FEZ1: variants seen among roughly 807,000 people sequenced by gnomAD.
The protein encoded by FEZ1 is fasciculation and elongation protein zeta-1.
Under a neutral mutation model 49.3 loss-of-function variants are expected in FEZ1, and 20 were observed. That is an observed-to-expected ratio of 0.41 (90% CI 0.29 to 0.59). The LOEUF is 0.59. Among genes scored for constraint, FEZ1 ranks in the 20% least tolerant of loss-of-function variants. The pLI is 0.36. For missense variants in FEZ1, 413 were observed against 476.0 expected (o/e 0.87, Z 1.23); for synonymous variants, 170 against 180.9 (o/e 0.94, Z 0.48).
chr11:125,456,907 G>A (rs1450971752), intron 5 of FEZ1, among the ~76,000 whole-genome samples: 1 of 152,168 alleles, frequency 6.6e-6, no homozygotes, highest in Non-Finnish European at 1.5e-5. Context: ...CTTTAGGCCA[G>A]GAGCAGTGGC....
rs1158071147 is a variant in FEZ1, at chr11:125,489,283, T to A, written c.311+184A>T. 1.1e-5 allele frequency: 14 copies of A among 1,254,846 alleles called. No individual in the cohort carries two copies. The Admixed American group carries it at 2.8e-4, about 25-fold the overall frequency. 77.7% of individuals were successfully genotyped at this position (1,254,846 alleles called of 1,614,324 possible). On this transcript the variant is annotated intron_variant, in intron 2 of 9. Coordinates refer to ENST00000278919, the MANE Select transcript of FEZ1 (RefSeq NM_005103.5). The surrounding 1 kb of genome is among the most constrained non-coding windows in gnomAD (Gnocchi z 4.2). ...AGGTTTCAATTTAAGAAAGTTCTCC[T>A]CAGGGGACTGTAAAGGGACATATAT...
chr11:125,455,996 G>C lies in FEZ1; in HGVS notation c.778C>G (p.Leu260Val), dbSNP rs1957007120. The C allele has an allele frequency of 6.2e-7, 1 of 1,613,352 alleles. No homozygotes were observed. ...TTCTTCACTTCCTTCTCAAACTCCA[G>C]CTCGTCCCGGCGGGCCAGCTGCTGC... ...LVQQLARRDE[L>V]EFEKEVKNSF... Residue 260 changes from leucine to valine, a missense_variant, in exon 6 of 10, where the codon CTG (leucine) becomes GTG (valine). Coordinates refer to ENST00000278919, the MANE Select transcript of FEZ1 (RefSeq NM_005103.5).
chr11:125,493,547 A>AAAGGAAGG (rs796293774), intron 1 of FEZ1, among the ~76,000 whole-genome samples: 1 of 134,692 alleles, frequency 7.4e-6, no homozygotes, highest in Non-Finnish European at 1.7e-5. Context: ...AGAAAGAAAG[A>AAAGGAAGG]AAGAAAGGTG....
chr11:125,476,110 G>A (rs976653884), intron 3 of FEZ1, among the ~76,000 whole-genome samples: 12 of 152,122 alleles, frequency 7.9e-5, no homozygotes, highest in Non-Finnish European at 1.6e-4. Flanking sequence ...AATCTACAAC[G>A]ACAGAAAGCA....
intron 3 of FEZ1, among the ~76,000 whole-genome samples, chr11:125,475,926 C>T (rs1479305721): frequency 6.6e-6 from 1 of 152,126 alleles, no homozygotes; most frequent in African/African-American, 2.4e-5. Context: ...ATGAATAAGC[C>T]GCTGGTGATA....
chr11:125,451,608 G>C (rs1956958393), intron 8 of FEZ1: 1 of 152,150 alleles, frequency 6.6e-6, no homozygotes, highest in Non-Finnish European at 1.5e-5. Flanking sequence ...GATCCTCTGG[G>C]CCTGTCACCA....
At position 125,489,954 on chromosome 11, in the gene FEZ1, G is replaced by A. The variant is rs1957366068; in HGVS notation, c.-45-132C>T. On this transcript the variant is annotated intron_variant, in intron 1 of 9. Coordinates refer to ENST00000278919, the MANE Select transcript of FEZ1 (RefSeq NM_005103.5). The surrounding 1 kb of genome is among the most constrained non-coding windows in gnomAD (Gnocchi z 4.2). ...GCACTGGTTAAGTACGAAGCTCCTGGACAAGATCGTCTAGGTTTGCATTCT... is the reference window on the plus strand; with the variant it reads ...GCACTGGTTAAGTACGAAGCTCCTGAACAAGATCGTCTAGGTTTGCATTCT... 4 of 749,802 alleles carry A rather than the reference G, an allele frequency of 5.3e-6. No homozygotes were observed. Among genetic ancestry groups the A allele is most frequent in the Non-Finnish European group, 7.8e-6 (4 of 510,834 alleles). 46.4% of individuals were successfully genotyped at this position (749,802 alleles called of 1,614,324 possible). A position where few individuals can be genotyped will look rare whatever the true frequency, so the allele number is the denominator to read the frequency against.
chr11:125,463,231 G>A (rs113288761), intron 4 of FEZ1: 273 of 223,930 alleles, frequency 1.2e-3, no homozygotes, highest in African/African-American at 5.4e-3. Context: ...ACTTGAATCC[G>A]GGAGGCAGAG....
At chr11:125,478,975 C>A (rs1255825851) in intron 3 of FEZ1, among the ~76,000 whole-genome samples, 1 of 152,160 alleles carries the variant, frequency 6.6e-6, no homozygotes, top group Admixed American at 6.5e-5. Flanking sequence ...TAGATTTATT[C>A]CATTATTGCC....
chr11:125,454,240 A>G, intron 6 of FEZ1, 30 bp from the exon 7 acceptor site: 2 of 1,556,332 alleles, frequency 1.3e-6, no homozygotes, highest in Non-Finnish European at 1.8e-6. Flanking sequence ...AAGAAGGGCA[A>G]ATGCTTCTTG....
intron 8 of FEZ1, among the ~76,000 whole-genome samples, chr11:125,450,294 T>G (rs1436697404): frequency 1.3e-5 from 2 of 152,088 alleles, no homozygotes; most frequent in Non-Finnish European, 2.9e-5. Context: ...CCTCCCAAAG[T>G]GCTGGGATTA....
At chr11:125,453,390 C>T (rs1446911092) in intron 7 of FEZ1, 1 of 152,152 alleles carries the variant, frequency 6.6e-6, no homozygotes, top group Non-Finnish European at 1.5e-5. Context: ...AAAATCTCTT[C>T]CCCTTCTCTA....
chr11:125,479,590 T>A lies in FEZ1; in HGVS notation c.411+1944A>T, dbSNP rs141950051. Among the ~76,000 whole-genome samples the A allele has an allele frequency of 7.2e-3, 1,097 of 152,348 alleles. 13 individuals are homozygous for A. Among genetic ancestry groups the A allele is most frequent in the African/African-American group, 0.025 (1,049 of 41,570 alleles). ...GCTAAAATCCTAATGCCCAAAGTGATGGTATTAGACAGTGAGACCTTGTGG... is the reference window on the plus strand; with the variant it reads ...GCTAAAATCCTAATGCCCAAAGTGAAGGTATTAGACAGTGAGACCTTGTGG... On this transcript the variant is annotated intron_variant, in intron 3 of 9. Transcript: ENST00000278919.
intron 3 of FEZ1, among the ~76,000 whole-genome samples, chr11:125,476,974 C>T (rs1391459347): frequency 6.6e-6 from 1 of 152,038 alleles, no homozygotes; most frequent in Non-Finnish European, 1.5e-5. Context: ...GAAGGACGTT[C>T]TCAGGACAGC....
At chr11:125,476,866 T>G (rs1482278868) in intron 3 of FEZ1, among the ~76,000 whole-genome samples, 1 of 152,064 alleles carries the variant, frequency 6.6e-6, no homozygotes, top group African/African-American at 2.4e-5. Context: ...TTGTTGTTGG[T>G]TTTTTTCACC....
At chr11:125,465,328 T>G (rs1957117255) in intron 3 of FEZ1, among the ~76,000 whole-genome samples, 1 of 152,190 alleles carries the variant, frequency 6.6e-6, no homozygotes, top group South Asian at 2.1e-4. Flanking sequence ...CTTTCAACTA[T>G]ATCATCTCCT....
In FEZ1 at chr11:125,443,533, G is replaced by GA. The variant is rs965183945; in HGVS notation, c.*2561dup. On this transcript the variant is annotated 3_prime_UTR_variant, in exon 10 of 10. Transcript: ENST00000278919. The stretch of plus-strand genomic sequence containing the variant: ...CACAAAACCCAGGCTCCTTTTAAGA[G>GA]AAGAGCTGCCTCCCTTTTAAAGGGA... 7.2e-5 allele frequency among the ~76,000 whole-genome samples: 11 copies of GA among 152,214 alleles called. No homozygotes were observed. The highest frequency in any genetic ancestry group is 2.2e-4 in the African/African-American group (9 of 41,458).
chr11:125,481,443 A>C (rs1957278416), intron 3 of FEZ1, 91 bp downstream of exon 3: 1 of 833,286 alleles, frequency 1.2e-6, no homozygotes. Flanking sequence ...CTCCATCAAC[A>C]ATTTTGAGGA....
Position 125,460,651 on chromosome 11 carries a change from C to T in FEZ1, c.514G>A (p.Glu172Lys), listed in dbSNP as rs2135750459. The T allele has an allele frequency of 1.9e-6, 3 of 1,613,938 alleles. No homozygotes were observed. In the East Asian group the frequency reaches 6.7e-5, roughly 36 times the overall value. ...LTADQVIEEI[E>K]EMMQNSPDPE... ...TCTGGGGAGTTCTGCATCATTTCCT[C>T]AATCTCCTCAATTACCTGAAGAAGG... The change falls in exon 5 of 10, where the codon GAG (glutamate) becomes AAG (lysine). Residue 172 changes from glutamate (E) to lysine (K), a missense_variant. Coordinates refer to ENST00000278919, the MANE Select transcript of FEZ1 (RefSeq NM_005103.5).
Sources: gnomAD v4.1 joint callset for allele counts (sites outside exome capture counted in the v4.1 genomes callset) on GRCh38, gnomAD v4.1.1 for gene constraint, Gnocchi (gnomAD v3.1) non-coding constraint, MANE v1.5 for transcripts, NCBI Gene and HGNC (gene_info 2026-07-23, HGNC 2026-07-21) for gene names.